Variants in SLC35F4 observed in about 807,000 individuals in gnomAD.
SLC35F4 encodes the protein chromosome 14 open reading frame 36.
A neutral mutation model predicts 44.2 loss-of-function variants in SLC35F4; 24 were observed. The observed-to-expected ratio is 0.54, with a 90% confidence interval of 0.39 to 0.76. The LOEUF is 0.76. Ranked by LOEUF, SLC35F4 falls within the 30% of genes least tolerant of loss-of-function variation. The pLI, the probability that SLC35F4 is intolerant of heterozygous loss-of-function variation, is 0.00. For synonymous variants in SLC35F4, 238 were observed against 223.6 expected, an observed-to-expected ratio of 1.06 and a Z score of -0.57; for missense variants, 562 against 586.1, an observed-to-expected ratio of 0.96 and a Z score of 0.42.
chr14:57,942,298 C>CA lies in SLC35F4; in HGVS notation n.282+39614dup, dbSNP rs1025072057. 1.8e-4 allele frequency among the ~76,000 whole-genome samples: 27 copies of CA among 151,986 alleles called. 1 individual carries two copies. The highest frequency in any genetic ancestry group is 6.5e-4 in the Admixed American group (10 of 15,268). ...AGACCAGGTGAATAAATCATTCAAA[C>CA]AAAAAAACACAGGTGAAATTCCTAA... On this transcript the variant is annotated intron_variant and non_coding_transcript_variant, in intron 1 of 1. Transcript: ENST00000556568.
At chr14:57,735,426 C>G (rs2076438635) in intron 1 of SLC35F4, among the ~76,000 whole-genome samples, 1 of 152,142 alleles carries the variant, frequency 6.6e-6, no homozygotes, top group African/African-American at 2.4e-5. Flanking sequence ...ATTCACACAG[C>G]TGCATTCAGC....
At chr14:57,578,703 T>TGGGG (rs1420554130) in intron 4 of SLC35F4, 1 of 152,152 alleles carries the variant, frequency 6.6e-6, no homozygotes, top group Admixed American at 6.5e-5. Flanking sequence ...AAGAAAAATA[T>TGGGG]TTGATTTTTA....
At chr14:57,853,467 T>G (rs528427036) in intron 1 of SLC35F4, among the ~76,000 whole-genome samples, 1 of 152,260 alleles carries the variant, frequency 6.6e-6, no homozygotes, top group Non-Finnish European at 1.5e-5. Context: ...ATACAGTCAA[T>G]AGGGTTACAG....
intron 1 of SLC35F4, among the ~76,000 whole-genome samples, chr14:57,830,801 C>T (rs1884290228): frequency 6.6e-6 from 1 of 152,084 alleles, no homozygotes; most frequent in South Asian, 2.1e-4. Context: ...GACAAAGAAT[C>T]ACACACTCTT....
At chr14:57,657,901 TG>T (rs1322600169) in intron 1 of SLC35F4, among the ~76,000 whole-genome samples, 1 of 152,222 alleles carries the variant, frequency 6.6e-6, no homozygotes, top group African/African-American at 2.4e-5. Flanking sequence ...GGTATAAAGT[TG>T]GTAAGTTACT....
At chr14:57,735,356 T>C (rs1471252650) in intron 1 of SLC35F4, among the ~76,000 whole-genome samples, 1 of 152,226 alleles carries the variant, frequency 6.6e-6, no homozygotes, top group Non-Finnish European at 1.5e-5. Context: ...CGATGCTTTG[T>C]GATATCTCAT....
chr14:57,860,973 T>G (rs1056051912), intron 1 of SLC35F4, among the ~76,000 whole-genome samples: 3 of 152,214 alleles, frequency 2.0e-5, no homozygotes, highest in Non-Finnish European at 4.4e-5. Flanking sequence ...AATCTGTAAC[T>G]CTGGTTATAT....
intron 1 of SLC35F4, among the ~76,000 whole-genome samples, chr14:57,676,588 T>A (rs997066019): frequency 2.0e-5 from 3 of 151,988 alleles, no homozygotes; most frequent in Admixed American, 1.3e-4. Context: ...TTAATTTTTT[T>A]AAAAAGTAGG....
At chr14:57,572,054 T>G in intron 4 of SLC35F4, 35 bp from the exon 5 acceptor site, 1 of 1,592,138 alleles carries the variant, frequency 6.3e-7, no homozygotes, top group Non-Finnish European at 8.6e-7. Flanking sequence ...AGAAAAGCAA[T>G]GATCCCTCTG....
At chr14:57,734,202 G>A (rs889190422) in intron 1 of SLC35F4, among the ~76,000 whole-genome samples, 1 of 152,144 alleles carries the variant, frequency 6.6e-6, no homozygotes, top group African/African-American at 2.4e-5. Flanking sequence ...GGTGTGTTTG[G>A]AAGACAAACA....
chr14:57,825,150 C>G (rs1300776474), intron 1 of SLC35F4, among the ~76,000 whole-genome samples: 1 of 152,032 alleles, frequency 6.6e-6, no homozygotes, highest in Non-Finnish European at 1.5e-5. Context: ...AGGTCTTAGG[C>G]CTGAGCCTCT....
At chr14:57,813,622 AT>A (rs1218559973) in intron 1 of SLC35F4, among the ~76,000 whole-genome samples, 1 of 152,194 alleles carries the variant, frequency 6.6e-6, no homozygotes, top group Non-Finnish European at 1.5e-5. Context: ...ATAAGTATTA[AT>A]TTTTTATAAG....
chr14:57,740,957 C>T (rs1487423906), intron 1 of SLC35F4, among the ~76,000 whole-genome samples: 1 of 152,146 alleles, frequency 6.6e-6, no homozygotes, highest in Non-Finnish European at 1.5e-5. Flanking sequence ...GCTGGTGATA[C>T]CCAGGCAAAC....
chr14:57,574,853 C>A (rs2068698435), intron 4 of SLC35F4, among the ~76,000 whole-genome samples: 2 of 148,848 alleles, frequency 1.3e-5, no homozygotes, highest in Non-Finnish European at 3.0e-5. Context: ...CAGTCACACA[C>A]ATTTTCAGAA....
chr14:57,726,748 G>C (rs1467215741), intron 1 of SLC35F4, among the ~76,000 whole-genome samples: 1 of 152,150 alleles, frequency 6.6e-6, no homozygotes, highest in African/African-American at 2.4e-5. Context: ...TTAATACTGA[G>C]TGTCAACTTG....
chr14:57,690,230 T>C (rs965356916), intron 1 of SLC35F4, among the ~76,000 whole-genome samples: 1 of 152,200 alleles, frequency 6.6e-6, no homozygotes. Flanking sequence ...GCAAAAACTA[T>C]TGAGCACCTA....
intron 6 of SLC35F4, among the ~76,000 whole-genome samples, chr14:57,569,569 G>A (rs2068379964): frequency 6.6e-6 from 1 of 152,204 alleles, no homozygotes; most frequent in Non-Finnish European, 1.5e-5. Flanking sequence ...GGCCTCCAGT[G>A]CACACCTTAA....
Position 57,856,612 on chromosome 14 carries a change from G to A in SLC35F4, c.103+9111C>T, listed in dbSNP as rs558191504. 2.3e-4 allele frequency among the ~76,000 whole-genome samples: 35 copies of A among 152,026 alleles called. 1 individual carries two copies. The highest frequency in any genetic ancestry group is 7.0e-4 in the African/African-American group (29 of 41,390). On this transcript the variant is annotated intron_variant, in intron 1 of 7. Transcript: ENST00000556826. ...ATCTACCATCAATAACATATACAAC[G>A]ATATTTAGTATTAACATAGACCTTA...
chr14:57,646,753 G>T (rs1168243936), intron 1 of SLC35F4, among the ~76,000 whole-genome samples: 1 of 152,072 alleles, frequency 6.6e-6, no homozygotes. Context: ...TCTCTTGTGG[G>T]CATTTAGTGC....
Sources: gnomAD v4.1 joint callset for allele counts (sites outside exome capture counted in the v4.1 genomes callset) on GRCh38, gnomAD v4.1.1 for gene constraint, MANE v1.5 for transcripts, NCBI Gene and HGNC (gene_info 2026-07-23, HGNC 2026-07-21) for gene names.